The following TRAPPC12 variants were observed in gnomAD, a reference collection of about 807,000 sequenced individuals.
The protein encoded by TRAPPC12 is TPR repeat protein 15.
A neutral mutation model predicts 69.2 loss-of-function variants in TRAPPC12; 61 were observed. That is an observed-to-expected ratio of 0.88 (90% confidence interval 0.72 to 1.09). The LOEUF is 1.09. Ranked by LOEUF, TRAPPC12 falls within the 50% of genes least tolerant of loss-of-function variation. TRAPPC12 has a pLI of 0.00. For synonymous variants in TRAPPC12, 469 were observed against 438.9 expected (o/e 1.07, Z -0.86); for missense variants, 1,101 against 1,016.4 (o/e 1.08, Z -1.13).
chr2:3,401,837 C>T lies in TRAPPC12; in HGVS notation c.1108C>T (p.Gln370Ter), dbSNP rs774192782. The T allele has an allele frequency of 2.5e-6, 4 of 1,603,232 alleles. No homozygotes were observed. Among genetic ancestry groups the T allele is most frequent in the Non-Finnish European group, 3.4e-6 (4 of 1,176,206 alleles). Residue 370 changes from glutamine (Q) to a stop codon, truncating the protein, a stop_gained, in exon 3 of 12, where the codon CAA (glutamine) becomes TAA (stop). Transcript: ENST00000324266. LOFTEE classifies it high-confidence loss of function. ...FLGEKAAAKRQVLNADSVEQS... is the reference protein window; with the variant it reads ...FLGEKAAAKR ...GGGTGAAAAAGCTGCAGCAAAGAGA[C>T]AAGTCCTAAATGCCGACTCAGTGGA...
Position 3,401,213 on chromosome 2 carries a change from C to T in TRAPPC12, c.1048-564C>T, listed in dbSNP as rs1661426233. The stretch of plus-strand genomic sequence containing the variant: ...AGTTTTCCTTTGGCTTGGCTGGTGA[C>T]CTCAGCACTGAAGAGAGGGCCATTG... On this transcript the variant is annotated intron_variant, in intron 2 of 11. Transcript: ENST00000324266. Among the ~76,000 whole-genome samples the T allele has an allele frequency of 2.6e-5, 4 of 152,212 alleles. No individual in the cohort carries two copies. In the South Asian group the frequency reaches 8.3e-4, roughly 31 times the overall value.
At chr2:3,382,884 C>G (rs1252377431) in intron 1 of TRAPPC12, among the ~76,000 whole-genome samples, 2 of 152,220 alleles carry the variant, frequency 1.3e-5, no homozygotes, top group Non-Finnish European at 2.9e-5. Flanking sequence ...ATCATCGTCC[C>G]ATTGCACTCC....
intron 5 of TRAPPC12, among the ~76,000 whole-genome samples, chr2:3,428,832 G>T (rs1004414897): frequency 6.6e-6 from 1 of 152,186 alleles, no homozygotes; most frequent in Non-Finnish European, 1.5e-5. Context: ...GTGCGGTTCT[G>T]GGTGGGGCCC....
intron 8 of TRAPPC12, among the ~76,000 whole-genome samples, chr2:3,461,833 G>C (rs1665521490): frequency 6.6e-6 from 1 of 152,036 alleles, no homozygotes; most frequent in Non-Finnish European, 1.5e-5. Flanking sequence ...TGCCCTGGTG[G>C]CCTCTTCACC....
At chr2:3,396,281 ACT>A (rs1468971351) in intron 2 of TRAPPC12, among the ~76,000 whole-genome samples, 1 of 151,078 alleles carries the variant, frequency 6.6e-6, no homozygotes, top group Non-Finnish European at 1.5e-5. Flanking sequence ...ATGCCATCCC[ACT>A]GTCTTTTGAC....
In TRAPPC12 at chr2:3,459,073, C is replaced by T. The variant is rs1665339098; in HGVS notation, c.1604-1190C>T. ...TCTCCTGAAGCACACCGTAAATGCACATCATTTCTAGGTGATTGTTATCTC... is the reference window on the plus strand; with the variant it reads ...TCTCCTGAAGCACACCGTAAATGCATATCATTTCTAGGTGATTGTTATCTC... On this transcript the variant is annotated intron_variant, in intron 7 of 11. Coordinates refer to ENST00000324266, the MANE Select transcript of TRAPPC12 (RefSeq NM_016030.6). 2.0e-5 allele frequency among the ~76,000 whole-genome samples: 3 copies of T among 152,350 alleles called. No individual in the cohort carries two copies. In the South Asian group the frequency reaches 6.2e-4, roughly 32 times the overall value.
intron 2 of TRAPPC12, chr2:3,389,034 T>G: frequency 5.2e-6 from 1 of 193,746 alleles, no homozygotes; most frequent in Non-Finnish European, 1.0e-5. Context: ...CTGTAACATA[T>G]AATGTGCCCG....
At chr2:3,465,468 C>T in intron 8 of TRAPPC12, 129 bp from the exon 9 acceptor site, 1 of 660,510 alleles carries the variant, frequency 1.5e-6, no homozygotes, top group Non-Finnish European at 2.6e-6. Context: ...TTTCCAGCTT[C>T]CCCGCCAGCT....
chr2:3,429,673 T>A (rs957953333), intron 5 of TRAPPC12, among the ~76,000 whole-genome samples: 5 of 152,354 alleles, frequency 3.3e-5, no homozygotes, highest in Admixed American at 3.3e-4. Context: ...TGTTTACTTT[T>A]ACTTTACTTT....
chr2:3,401,506 C>G (rs1194490122), intron 2 of TRAPPC12, among the ~76,000 whole-genome samples: 1 of 152,094 alleles, frequency 6.6e-6, no homozygotes, highest in East Asian at 1.9e-4. Context: ...GTTTCCTCTT[C>G]AGAATAAAGA....
chr2:3,428,769 G>A (rs754477918), intron 5 of TRAPPC12, among the ~76,000 whole-genome samples: 6 of 152,208 alleles, frequency 3.9e-5, no homozygotes, highest in East Asian at 3.9e-4. Context: ...GAAGAATCCC[G>A]AGGACTACGT....
chr2:3,383,871 GTTTTTTTTTTTTTTTTTTTTTTTTTTTTT>G (rs34956958), intron 1 of TRAPPC12, among the ~76,000 whole-genome samples: 7 of 85,594 alleles, frequency 8.2e-5, no homozygotes, highest in African/African-American at 2.5e-4. Flanking sequence ...GTTCAGTCTT[GTTTTTTTTTTTTTTTTTTTTTTTTTTTTT>G]TTTTTTTTTT....
At chr2:3,395,818 C>T (rs1661098916) in intron 2 of TRAPPC12, among the ~76,000 whole-genome samples, 1 of 152,038 alleles carries the variant, frequency 6.6e-6, no homozygotes, top group African/African-American at 2.4e-5. Flanking sequence ...CAACCTCCAC[C>T]TCCCAGGCTC....
Position 3,387,662 on chromosome 2 carries a change from G to C in TRAPPC12, c.39G>C (p.Pro13=). ...GCGGCGGCGAGGAGACCCCGGCCCC[G>C]GAGGCCCCGCACCCCCCTCAGCTCG... ...DAGGGEETPA[P]EAPHPPQLAP... The change falls in exon 2 of 12, where the codon CCG becomes CCC. Residue 13 remains proline (P), a synonymous_variant. Coordinates refer to ENST00000324266, the MANE Select transcript of TRAPPC12 (RefSeq NM_016030.6). The C allele has an allele frequency of 6.5e-7, 1 of 1,550,016 alleles. No individual in the cohort carries two copies. The highest frequency in any genetic ancestry group is 8.7e-7 in the Non-Finnish European group (1 of 1,146,024).
intron 2 of TRAPPC12, among the ~76,000 whole-genome samples, chr2:3,399,286 G>C: frequency 6.6e-6 from 1 of 152,334 alleles, no homozygotes; most frequent in South Asian, 2.1e-4. Context: ...ATTACAATTT[G>C]ATTTTGCTCT....
At chr2:3,391,883 T>G (rs1277177833) in intron 2 of TRAPPC12, among the ~76,000 whole-genome samples, 1 of 152,180 alleles carries the variant, frequency 6.6e-6, no homozygotes, top group Non-Finnish European at 1.5e-5. Flanking sequence ...TTAACATCTG[T>G]GGGTCTGGCC....
At chr2:3,478,570 G>A (rs1666398201) in intron 10 of TRAPPC12, 3 of 282,368 alleles carry the variant, frequency 1.1e-5, no homozygotes, top group Non-Finnish European at 2.0e-5. Context: ...GGAGGCGGAG[G>A]TTGCGGTGAG....
intron 6 of TRAPPC12, 59 bp downstream of exon 6, chr2:3,443,950 C>T: frequency 7.7e-7 from 1 of 1,305,398 alleles, no homozygotes; most frequent in Non-Finnish European, 1.1e-6. Context: ...ACGCCCTCCC[C>T]ACAGGACATG....
intron 8 of TRAPPC12, among the ~76,000 whole-genome samples, chr2:3,463,669 G>T (rs1226329050): frequency 6.6e-6 from 1 of 151,660 alleles, no homozygotes; most frequent in African/African-American, 2.4e-5. Context: ...AGTGAGTGCT[G>T]CGCCCCCACC....
Sources: allele counts gnomAD v4.1 joint callset (sites outside exome capture counted in the v4.1 genomes callset), GRCh38; gene constraint gnomAD v4.1.1; transcripts MANE v1.5; gene names NCBI Gene and HGNC (gene_info 2026-07-23, HGNC 2026-07-21).